Variants in SPAG1 observed in about 807,000 individuals in gnomAD.
SPAG1 encodes the protein sperm associated antigen 1.
In SPAG1, 69 loss-of-function variants were observed where a neutral mutation model predicts 100.5. The ratio of observed to expected loss-of-function variants is 0.69; its 90% CI spans 0.57 to 0.84. SPAG1 has a LOEUF of 0.84. Ranked by LOEUF, SPAG1 falls within the 40% of genes least tolerant of loss-of-function variation. The pLI, the probability that SPAG1 is intolerant of heterozygous loss-of-function variation, is 0.00. For missense variants in SPAG1, 955 were observed against 1,133.1 expected, an observed-to-expected ratio of 0.84 and a Z score of 2.26; for synonymous variants, 336 against 411.6, an observed-to-expected ratio of 0.82 and a Z score of 2.22.
chr8:100,187,334 T>C, intron 8 of SPAG1, 84 bp downstream of exon 8: 1 of 1,149,534 alleles, frequency 8.7e-7, no homozygotes, highest in Non-Finnish European at 1.2e-6. Context: ...ATGTTTACAT[T>C]AAAAATATTT....
intron 2 of SPAG1, 100 bp from the exon 3 acceptor site, chr8:100,165,714 C>T: frequency 1.1e-6 from 1 of 906,538 alleles, no homozygotes; most frequent in East Asian, 2.5e-5. Context: ...TTGAGATCTC[C>T]ACAGAACCTC....
At chr8:100,160,529 A>C (rs891387082) in intron 1 of SPAG1, among the ~76,000 whole-genome samples, 3 of 152,070 alleles carry the variant, frequency 2.0e-5, no homozygotes, top group Non-Finnish European at 4.4e-5. Flanking sequence ...CAAGAGGCTG[A>C]AGCAGGAGAA....
At position 100,174,662 on chromosome 8, in the gene SPAG1, G is replaced by A. The variant is rs553247855; in HGVS notation, c.301-3154G>A. Among the ~76,000 whole-genome samples, 28 of 152,264 alleles carry A rather than the reference G, an allele frequency of 1.8e-4. 1 individual carries two copies. The highest frequency in any genetic ancestry group is 5.3e-4 in the African/African-American group (22 of 41,556). On this transcript the variant is annotated intron_variant, in intron 3 of 18. Transcript: ENST00000388798. The stretch of plus-strand genomic sequence containing the variant: ...AAGTCAAAAACAGTCTTGTGTAATC[G>A]GAGCCCTTCTGCCAGATTGTCTAAT...
At chr8:100,213,022 T>TCCGCGGCCTCCGCGGCCG in intron 10 of SPAG1, 68 bp from the exon 11 acceptor site, 1 of 1,263,988 alleles carries the variant, frequency 7.9e-7, no homozygotes, top group Non-Finnish European at 1.0e-6. Flanking sequence ...CCCCGCGGCC[T>TCCGCGGCCTCCGCGGCCG]CCGCGGCCTC....
At chr8:100,207,509 C>A (rs1330846571) in intron 10 of SPAG1, among the ~76,000 whole-genome samples, 1 of 152,186 alleles carries the variant, frequency 6.6e-6, no homozygotes, top group African/African-American at 2.4e-5. Flanking sequence ...CCCTGAAGGA[C>A]AGCAGTGAAG....
At chr8:100,204,512 TAA>T (rs34784426) in intron 10 of SPAG1, among the ~76,000 whole-genome samples, 1,590 of 147,880 alleles carry the variant, frequency 0.011, 30 homozygotes, top group African/African-American at 0.037. Flanking sequence ...CTTGGAGAGT[TAA>T]AAAAAAAAAA....
chr8:100,207,906 G>A (rs1817573806), intron 10 of SPAG1, among the ~76,000 whole-genome samples: 1 of 152,152 alleles, frequency 6.6e-6, no homozygotes. Flanking sequence ...AATCAACTAG[G>A]TGACAATACT....
At position 100,239,257 on chromosome 8, in the gene SPAG1, A is replaced by C. The variant is rs373962922; in HGVS notation, c.2133A>C (p.Leu711Phe). The change falls in exon 17 of 19, where the codon TTA becomes TTC. Residue 711 changes from leucine to phenylalanine, a missense_variant. Transcript: ENST00000388798. The surrounding 1 kb of genome is among the most constrained non-coding windows in gnomAD (Gnocchi z 5.0). ...HKGLKNYQKS[L>F]IDLNKVILLD... ...ACTTACAGAATTATCAGAAAAGCTT[A>C]ATTGATCTCAATAAAGTTATCCTAC... 25 of 1,502,838 alleles carry C rather than the reference A, an allele frequency of 1.7e-5. No individual in the cohort carries two copies. Among genetic ancestry groups the C allele is most frequent in the Non-Finnish European group, 1.7e-5 (19 of 1,124,992 alleles). 93.1% of individuals were successfully genotyped at this position (1,502,838 alleles called of 1,614,324 possible).
chr8:100,160,626 CA>C (rs11422854), intron 1 of SPAG1, among the ~76,000 whole-genome samples: 145 of 98,902 alleles, frequency 1.5e-3, no homozygotes, highest in Middle Eastern at 6.0e-3. Flanking sequence ...GACTCCAACT[CA>C]AAAAAAAAAA....
chr8:100,213,097 GGA>G lies in SPAG1; in HGVS notation c.1106_1107del (p.Glu369AlafsTer112). ...EDGGGDKKPA[E>X]PAGAARAAQP... ...GCATCCACTTCCTCACAGAGCCCGCGGAGCCGGCGGGAGCCGCGCGCGCCGCC... is the reference window on the plus strand; with the variant it reads ...GCATCCACTTCCTCACAGAGCCCGCGGCCGGCGGGAGCCGCGCGCGCCGCC... On this transcript the variant is annotated frameshift_variant, in exon 11 of 19. Transcript: ENST00000388798. LOFTEE classifies it high-confidence loss of function. 1 of 1,473,316 alleles carries G rather than the reference GGA, an allele frequency of 6.8e-7. No individual in the cohort carries two copies. The highest frequency in any genetic ancestry group is 3.0e-5 in the East Asian group (1 of 33,262). The allele number at this position is 1,473,316 out of a possible 1,614,324, so 91.3% of individuals were successfully genotyped here. A position where few individuals can be genotyped will look rare whatever the true frequency, so the allele number is the denominator to read the frequency against.
intron 7 of SPAG1, among the ~76,000 whole-genome samples, chr8:100,186,902 C>T (rs1279673018): frequency 6.6e-6 from 1 of 151,992 alleles, no homozygotes; most frequent in East Asian, 1.9e-4. Context: ...CCTCTCATGA[C>T]TTCATTTCAC....
At chr8:100,163,601 C>G (rs1815414397) in intron 2 of SPAG1, among the ~76,000 whole-genome samples, 1 of 152,128 alleles carries the variant, frequency 6.6e-6, no homozygotes, top group Non-Finnish European at 1.5e-5. Flanking sequence ...TCCAGGACAT[C>G]TAGAATTCCT....
At chr8:100,220,979 A>G (rs895097625) in intron 13 of SPAG1, among the ~76,000 whole-genome samples, 3 of 152,120 alleles carry the variant, frequency 2.0e-5, no homozygotes, top group African/African-American at 7.2e-5. Context: ...AGGCTGAGGC[A>G]GGAGAATTGT....
intron 10 of SPAG1, among the ~76,000 whole-genome samples, chr8:100,209,397 T>C (rs1185696537): frequency 6.8e-6 from 1 of 147,530 alleles, no homozygotes; most frequent in Non-Finnish European, 1.5e-5. Context: ...GAACCCTGAC[T>C]AATATATCAT....
rs1335778914 is a variant in SPAG1 at position 100,171,564 on chromosome 8, G to A, written c.300+5591G>A. On this transcript the variant is annotated intron_variant, in intron 3 of 18. Coordinates refer to ENST00000388798, the MANE Select transcript of SPAG1 (RefSeq NM_003114.5). ...TATCTTTAGAGCTCTCTTTCTGTAC[G>A]GCTTCCTCCTTTCTGATATTTTTTT... Among the ~76,000 whole-genome samples, 3 of 152,086 alleles carry A rather than the reference G, an allele frequency of 2.0e-5. No homozygotes were observed. The East Asian group carries it at 5.8e-4, about 29-fold the overall frequency.
intron 8 of SPAG1, among the ~76,000 whole-genome samples, chr8:100,189,321 C>CA (rs1041517382): frequency 6.6e-6 from 1 of 151,886 alleles, no homozygotes; most frequent in Non-Finnish European, 1.5e-5. Context: ...ACTAAAAACA[C>CA]AAAAAATTAG....
At chr8:100,222,875 T>G (rs2132397112) in intron 13 of SPAG1, among the ~76,000 whole-genome samples, 1 of 152,290 alleles carries the variant, frequency 6.6e-6, no homozygotes, top group East Asian at 1.9e-4. Flanking sequence ...TTCCAAAACA[T>G]TTCCACCACC....
chr8:100,214,792 C>T (rs949079255), intron 12 of SPAG1, among the ~76,000 whole-genome samples: 25 of 151,532 alleles, frequency 1.6e-4, no homozygotes, highest in African/African-American at 6.1e-4. Context: ...CCGTCCTGGC[C>T]AACATGATGA....
At position 100,183,951 on chromosome 8, in the gene SPAG1, T is replaced by A; in HGVS notation, c.489-5T>A. The A allele has an allele frequency of 6.9e-7, 1 of 1,446,036 alleles. No individual in the cohort carries two copies. Among genetic ancestry groups the A allele is most frequent in the South Asian group, 1.3e-5 (1 of 77,856 alleles). The allele number at this position is 1,446,036 out of a possible 1,614,324, so 89.6% of individuals were successfully genotyped here. A position where few individuals can be genotyped will look rare whatever the true frequency, so the allele number is the denominator to read the frequency against. ...TTTTTGGTTTTTATTGTTCTTTCAT[T>A]TAAGATTTGACGTGGAGAAGGAATG... On this transcript the variant is annotated splice_polypyrimidine_tract_variant and splice_region_variant and intron_variant, in intron 5 of 18. Coordinates refer to ENST00000388798, the MANE Select transcript of SPAG1 (RefSeq NM_003114.5).
Sources: allele counts gnomAD v4.1 joint callset (sites outside exome capture counted in the v4.1 genomes callset), GRCh38; gene constraint gnomAD v4.1.1; non-coding constraint Gnocchi (gnomAD v3.1); transcripts MANE v1.5; gene names NCBI Gene and HGNC (gene_info 2026-07-23, HGNC 2026-07-21).